ZFPM2: variants seen among roughly 807,000 people sequenced by gnomAD.
The protein encoded by ZFPM2 is zinc finger protein, FOG family member 2.
In ZFPM2, 20 loss-of-function variants were observed where a neutral mutation model predicts 98.6. The ratio of observed to expected loss-of-function variants is 0.20; its 90% CI spans 0.14 to 0.29. ZFPM2 has a LOEUF of 0.29. Among genes scored for constraint, ZFPM2 ranks in the 10% least tolerant of loss-of-function variants. The probability of loss-of-function intolerance (pLI) is 1.00; values close to 1 mark genes in which losing one functional copy is unlikely to be tolerated. For synonymous variants in ZFPM2, 518 were observed against 502.7 expected, an observed-to-expected ratio of 1.03 and a Z score of -0.41; for missense variants, 1,310 against 1,388.6, an observed-to-expected ratio of 0.94 and a Z score of 0.90.
chr8:105,794,676 C>T (rs539378905), intron 6 of ZFPM2, among the ~76,000 whole-genome samples: 11 of 152,344 alleles, frequency 7.2e-5, no homozygotes, highest in African/African-American at 2.4e-4. Flanking sequence ...TGTGCCCTGC[C>T]CCCAGAGGTG....
chr8:105,365,281 A>G (rs2129781758), intron 1 of ZFPM2, among the ~76,000 whole-genome samples: 1 of 152,258 alleles, frequency 6.6e-6, no homozygotes, highest in African/African-American at 2.4e-5. Flanking sequence ...TATATTAGAA[A>G]TCTCATTTGA....
At chr8:105,782,630 A>G (rs1313755960) in intron 5 of ZFPM2, 1 of 152,170 alleles carries the variant, frequency 6.6e-6, no homozygotes, top group Non-Finnish European at 1.5e-5. Context: ...ATGCTCAAGT[A>G]CCTGATATAA....
intron 5 of ZFPM2, among the ~76,000 whole-genome samples, chr8:105,653,786 A>G (rs1817227652): frequency 6.6e-6 from 1 of 151,314 alleles, no homozygotes; most frequent in African/African-American, 2.4e-5. Context: ...TGAGCGTATC[A>G]TAAAGGAAAA....
chr8:105,617,498 T>C (rs1241717921), intron 4 of ZFPM2, among the ~76,000 whole-genome samples: 1 of 152,132 alleles, frequency 6.6e-6, no homozygotes, highest in Non-Finnish European at 1.5e-5. Context: ...GCAGATTAGG[T>C]TCCCTAAGTG....
intron 4 of ZFPM2, among the ~76,000 whole-genome samples, chr8:105,583,951 C>T (rs2130748619): frequency 6.6e-6 from 1 of 152,178 alleles, no homozygotes; most frequent in Non-Finnish European, 1.5e-5. Flanking sequence ...ATTTGCTATG[C>T]CTAGAATGTT....
At chr8:105,351,335 T>C (rs1563616359) in intron 1 of ZFPM2, among the ~76,000 whole-genome samples, 1 of 150,422 alleles carries the variant, frequency 6.6e-6, no homozygotes, top group Admixed American at 6.7e-5. Context: ...TAGTGTTCTC[T>C]TTTATAGTTG....
At chr8:105,532,047 C>T (rs1197501864) in intron 3 of ZFPM2, among the ~76,000 whole-genome samples, 1 of 151,974 alleles carries the variant, frequency 6.6e-6, no homozygotes, top group Non-Finnish European at 1.5e-5. Flanking sequence ...ACTACAGGTG[C>T]ACACCACCAC....
chr8:105,358,125 T>C (rs1479252475), intron 1 of ZFPM2, among the ~76,000 whole-genome samples: 2 of 152,226 alleles, frequency 1.3e-5, no homozygotes, highest in African/African-American at 4.8e-5. Flanking sequence ...GTAAAATTAA[T>C]TTTGTGAAGC....
At chr8:105,483,534 G>C (rs1408629458) in intron 3 of ZFPM2, among the ~76,000 whole-genome samples, 1 of 150,856 alleles carries the variant, frequency 6.6e-6, no homozygotes, top group Non-Finnish European at 1.5e-5. Context: ...AGGTTGCAGT[G>C]AGCTGAGATC....
chr8:105,396,327 G>T (rs1811217768), intron 1 of ZFPM2, among the ~76,000 whole-genome samples: 1 of 152,232 alleles, frequency 6.6e-6, no homozygotes, highest in Non-Finnish European at 1.5e-5. Context: ...TGCCTGGCAA[G>T]AATGTGAGTA....
At chr8:105,485,548 T>C (rs183458327) in intron 3 of ZFPM2, among the ~76,000 whole-genome samples, 1 of 152,286 alleles carries the variant, frequency 6.6e-6, no homozygotes, top group Non-Finnish European at 1.5e-5. Flanking sequence ...ATTGTCATTG[T>C]AGCCTCTGTG....
chr8:105,494,183 GTATATATATATATATATATATATATA>G (rs61035457), intron 3 of ZFPM2, among the ~76,000 whole-genome samples: 29 of 60,006 alleles, frequency 4.8e-4, no homozygotes, highest in South Asian at 2.8e-3. Flanking sequence ...GCCACCAAAA[GTATATATATATATATATATATATATA>G]TATATATATA....
rs1811811030 is a variant in ZFPM2 at position 105,422,289 on chromosome 8, T to C, written c.199+2987T>C. On this transcript the variant is annotated intron_variant, in intron 2 of 7. Coordinates refer to ENST00000407775, the MANE Select transcript of ZFPM2 (RefSeq NM_012082.4). The stretch of plus-strand genomic sequence containing the variant: ...CCCATCTCTACTAAAATACAAAAAT[T>C]AACTGGGTGTGGTGGTGGGTGCCTG... 2.0e-5 allele frequency among the ~76,000 whole-genome samples: 3 copies of C among 151,336 alleles called. No individual in the cohort carries two copies. The South Asian group carries it at 6.3e-4, about 32-fold the overall frequency.
rs781203036 is a variant in ZFPM2 at position 105,801,659 on chromosome 8, G to T, written c.1577G>T (p.Arg526Leu). ...GCTAAGATGTCTGAACTGGTGCATCGGCGACTGAGGCATGGCAGTAGTAGC... is the reference window on the plus strand; with the variant it reads ...GCTAAGATGTCTGAACTGGTGCATCTGCGACTGAGGCATGGCAGTAGTAGC... ...ILAKMSELVH[R>L]RLRHGSSSYP... The change falls in exon 8 of 8, where the codon CGG (arginine) becomes CTG (leucine). Residue 526 changes from arginine (R) to leucine (L), a missense_variant. By Grantham distance (102) the Arg-to-Leu change is moderately radical (BLOSUM62 -2). Transcript: ENST00000407775. The T allele has an allele frequency of 5.6e-6, 9 of 1,613,370 alleles. No homozygotes were observed. The African/African-American group carries it at 1.1e-4, about 19-fold the overall frequency.
At chr8:105,483,588 T>C (rs1293369704) in intron 3 of ZFPM2, among the ~76,000 whole-genome samples, 1 of 143,978 alleles carries the variant, frequency 6.9e-6, no homozygotes, top group Non-Finnish European at 1.5e-5. Flanking sequence ...GGAGTCCATC[T>C]CAAAAAAAAA....
At chr8:105,476,429 T>C (rs1813013549) in intron 3 of ZFPM2, among the ~76,000 whole-genome samples, 1 of 152,184 alleles carries the variant, frequency 6.6e-6, no homozygotes, top group African/African-American at 2.4e-5. Flanking sequence ...CCTGATGATC[T>C]AAGGTGGAAT....
intron 1 of ZFPM2, among the ~76,000 whole-genome samples, chr8:105,325,754 G>A (rs183114246): frequency 1.4e-4 from 21 of 151,404 alleles, no homozygotes; most frequent in Admixed American, 1.4e-3. Flanking sequence ...CTGAGAGGGT[G>A]TCATACCGTT....
In ZFPM2 at chr8:105,692,503, C is replaced by T. The variant is rs184605770; in HGVS notation, c.532+58146C>T. On this transcript the variant is annotated intron_variant, in intron 5 of 7. Coordinates refer to ENST00000407775, the MANE Select transcript of ZFPM2 (RefSeq NM_012082.4). ...TATTATTGAATCACATAATCAGATT[C>T]GTACAAATGGGATGTTCATAAGTAT... Among the ~76,000 whole-genome samples the T allele has an allele frequency of 4.8e-3, 736 of 152,236 alleles. 1 individual carries two copies. Among genetic ancestry groups the T allele is most frequent in the Middle Eastern group, 0.02 (6 of 294 alleles).
intron 1 of ZFPM2, among the ~76,000 whole-genome samples, chr8:105,328,578 C>A (rs768350640): frequency 1.3e-5 from 2 of 151,756 alleles, no homozygotes; most frequent in African/African-American, 2.4e-5. Context: ...AGTAGGAAGC[C>A]AGCTAACCTA....
Sources: gnomAD v4.1 joint callset for allele counts (sites outside exome capture counted in the v4.1 genomes callset) on GRCh38, gnomAD v4.1.1 for gene constraint, MANE v1.5 for transcripts, NCBI Gene and HGNC (gene_info 2026-07-23, HGNC 2026-07-21) for gene names.